CEP170: variants seen among roughly 807,000 people sequenced by gnomAD.
The protein encoded by CEP170 is centrosomal protein 170, also known as centrosomal protein of 170 kDa.
In CEP170, 21 loss-of-function variants were observed where a neutral mutation model predicts 151.9. That is an observed-to-expected ratio of 0.14 (90% confidence interval 0.10 to 0.20). The LOEUF (loss-of-function observed/expected upper bound fraction) is 0.20. Among genes scored for constraint, CEP170 ranks in the 10% least tolerant of loss-of-function variants. CEP170 has a pLI of 1.00. For missense variants in CEP170, 964 were observed against 1,892.9 expected, an observed-to-expected ratio of 0.51 and a Z score of 9.11; for synonymous variants, 356 against 648.8, an observed-to-expected ratio of 0.55 and a Z score of 6.86.
chr1:243,203,522 G>A (rs745307823), intron 4 of CEP170, among the ~76,000 whole-genome samples: 5 of 152,112 alleles, frequency 3.3e-5, no homozygotes, highest in Non-Finnish European at 7.4e-5. Context: ...AACAGCGTTA[G>A]TTATTCCAAG....
At chr1:243,189,325 G>A (rs2060132355) in intron 8 of CEP170, among the ~76,000 whole-genome samples, 1 of 152,080 alleles carries the variant, frequency 6.6e-6, no homozygotes, top group Non-Finnish European at 1.5e-5. Flanking sequence ...GGGAGGCTAA[G>A]GTGGGTGGAT....
At chr1:243,235,643 T>C (rs1390706167) in intron 1 of CEP170, among the ~76,000 whole-genome samples, 1 of 147,804 alleles carries the variant, frequency 6.8e-6, no homozygotes, top group East Asian at 2.0e-4. Context: ...AAAGAAAAAA[T>C]ATAAGCTGCA....
chr1:243,140,185 A>C, intron 15 of CEP170, 78 bp from the exon 16 acceptor site: 1 of 1,540,274 alleles, frequency 6.5e-7, no homozygotes, highest in Non-Finnish European at 8.8e-7. Flanking sequence ...AATTTTTATG[A>C]TTAGACAGAA....
intron 13 of CEP170, among the ~76,000 whole-genome samples, chr1:243,164,027 T>C (rs907333682): frequency 6.6e-6 from 1 of 152,194 alleles, no homozygotes; most frequent in Non-Finnish European, 1.5e-5. Flanking sequence ...ATCAGCTCAA[T>C]GAATTCCTAG....
At chr1:243,223,575 A>C (rs1419733074) in intron 2 of CEP170, among the ~76,000 whole-genome samples, 1 of 152,182 alleles carries the variant, frequency 6.6e-6, no homozygotes, top group Non-Finnish European at 1.5e-5. Context: ...TATGGTGAAC[A>C]CTGACGGTAC....
chr1:243,235,001 CAT>C (rs2064125631), intron 1 of CEP170, among the ~76,000 whole-genome samples: 1 of 152,152 alleles, frequency 6.6e-6, no homozygotes, highest in South Asian at 2.1e-4. Flanking sequence ...TGGACATAAA[CAT>C]TATATACTGT....
chr1:243,232,263 C>A (rs547552288), intron 1 of CEP170, among the ~76,000 whole-genome samples: 1 of 152,258 alleles, frequency 6.6e-6, no homozygotes, highest in South Asian at 2.1e-4. Flanking sequence ...CCATGCCTGG[C>A]CTTCAGTGTC....
chr1:243,224,695 A>G (rs1279705396), intron 2 of CEP170, among the ~76,000 whole-genome samples: 1 of 152,166 alleles, frequency 6.6e-6, no homozygotes, highest in Non-Finnish European at 1.5e-5. Context: ...CTTTTATACT[A>G]TCTGTGTGTA....
chr1:243,215,833 C>T (rs560737961), intron 3 of CEP170, among the ~76,000 whole-genome samples: 20 of 152,174 alleles, frequency 1.3e-4, no homozygotes, highest in Admixed American at 2.6e-4. Flanking sequence ...GCTGGTTTTG[C>T]AGCTTGCGGG....
At chr1:243,212,216 C>T (rs1477705252) in intron 3 of CEP170, among the ~76,000 whole-genome samples, 3 of 152,110 alleles carry the variant, frequency 2.0e-5, no homozygotes, top group Non-Finnish European at 4.4e-5. Flanking sequence ...TAGAATAGTT[C>T]CTAAAAATGG....
chr1:243,170,109 C>T (rs878880609), intron 11 of CEP170, among the ~76,000 whole-genome samples: 7 of 152,078 alleles, frequency 4.6e-5, no homozygotes, highest in South Asian at 4.1e-4. Flanking sequence ...AGATTTGGGC[C>T]GGGTGTGGTG....
chr1:243,189,411 C>G (rs1304896467), intron 8 of CEP170, among the ~76,000 whole-genome samples: 1 of 151,744 alleles, frequency 6.6e-6, no homozygotes, highest in Non-Finnish European at 1.5e-5. Flanking sequence ...AAAAAATTAG[C>G]CGGGTGTGGT....
intron 12 of CEP170, chr1:243,166,606 G>C (rs1381646403): frequency 6.7e-6 from 1 of 149,350 alleles, no homozygotes; most frequent in African/African-American, 2.4e-5. Flanking sequence ...CAAAACAAAC[G>C]AGCCAGCATT....
intron 1 of CEP170, chr1:243,253,137 C>G (rs1475834384): frequency 6.6e-6 from 1 of 152,176 alleles, no homozygotes; most frequent in Non-Finnish European, 1.5e-5. Context: ...AGGGAAAACA[C>G]TGCAACACTT....
At chr1:243,210,998 G>C (rs999304881) in intron 4 of CEP170, among the ~76,000 whole-genome samples, 1 of 151,220 alleles carries the variant, frequency 6.6e-6, no homozygotes, top group African/African-American at 2.4e-5. Context: ...ATTTAGCTGA[G>C]ACTATGCTTT....
chr1:243,145,114 G>C (rs2056314205), intron 14 of CEP170, among the ~76,000 whole-genome samples: 1 of 151,946 alleles, frequency 6.6e-6, no homozygotes, highest in South Asian at 2.1e-4. Context: ...GAAGATTAAA[G>C]GATATATTAA....
chr1:243,152,520 C>CTTTT (rs1558429307), intron 14 of CEP170, among the ~76,000 whole-genome samples: 17 of 63,490 alleles, frequency 2.7e-4, no homozygotes, highest in Admixed American at 1.1e-3. Flanking sequence ...CGCGCCCAGC[C>CTTTT]ATTTTTTTTT....
chr1:243,150,425 C>T (rs2056953129), intron 14 of CEP170, among the ~76,000 whole-genome samples: 1 of 152,224 alleles, frequency 6.6e-6, no homozygotes, highest in Non-Finnish European at 1.5e-5. Context: ...GCTGGGATTA[C>T]AGGCGTGAGC....
intron 8 of CEP170, 72 bp downstream of exon 8, chr1:243,190,946 G>A (rs1253961558): frequency 6.9e-7 from 1 of 1,453,294 alleles, no homozygotes; most frequent in East Asian, 2.5e-5. Context: ...GTATCTACTA[G>A]TAGTCTAGTA....
Sources: allele counts gnomAD v4.1 joint callset (sites outside exome capture counted in the v4.1 genomes callset), GRCh38; gene constraint gnomAD v4.1.1; transcripts MANE v1.5; gene names NCBI Gene and HGNC (gene_info 2026-07-23, HGNC 2026-07-21).